The following HIVEP3 variants were observed in gnomAD, a reference collection of about 807,000 sequenced individuals.
HIVEP3 encodes HIVEP zinc finger 3, also known as transcription factor HIVEP3.
In HIVEP3, 49 loss-of-function variants were observed where a neutral mutation model predicts 152.8. The observed-to-expected ratio is 0.32, with a 90% confidence interval of 0.26 to 0.41. The LOEUF is 0.41. Among genes scored for constraint, HIVEP3 ranks in the 10% least tolerant of loss-of-function variants. The probability of loss-of-function intolerance (pLI) is 1.00; values close to 1 mark genes in which losing one functional copy is unlikely to be tolerated. For missense variants in HIVEP3, 2,790 were observed against 3,103.3 expected (o/e 0.90, Z 2.40); for synonymous variants, 1,269 against 1,289.0 (o/e 0.98, Z 0.33).
At chr1:41,795,552 C>T (rs553620535) in intron 1 of HIVEP3, among the ~76,000 whole-genome samples, 27 of 152,246 alleles carry the variant, frequency 1.8e-4, no homozygotes, top group African/African-American at 2.6e-4. Flanking sequence ...CACACTCCAG[C>T]GGAGGGAATT....
At chr1:41,963,774 G>A (rs1645182422) in intron 1 of HIVEP3, among the ~76,000 whole-genome samples, 1 of 152,176 alleles carries the variant, frequency 6.6e-6, no homozygotes, top group Admixed American at 6.5e-5. Flanking sequence ...TCTTTGGGAT[G>A]TAAGCAGATA....
At position 41,974,903 on chromosome 1, in the gene HIVEP3, C is replaced by T. The variant is rs150467618; in HGVS notation, n.120-56379G>A. 3.2e-3 allele frequency among the ~76,000 whole-genome samples: 494 copies of T among 152,214 alleles called. 6 individuals are homozygous for T. The highest frequency in any genetic ancestry group is 0.011 in the African/African-American group (469 of 41,534). On this transcript the variant is annotated intron_variant and non_coding_transcript_variant, in intron 1 of 3. Coordinates refer to the HIVEP3 transcript ENST00000489103. ...CTCTGGTGCATGGCCATTATCTCCACGCAACCTGCCCTTCAGGACTGAGGT... is the reference window on the plus strand; with the variant it reads ...CTCTGGTGCATGGCCATTATCTCCATGCAACCTGCCCTTCAGGACTGAGGT...
chr1:41,645,441 T>C (rs917386159), intron 2 of HIVEP3, among the ~76,000 whole-genome samples: 1 of 152,218 alleles, frequency 6.6e-6, no homozygotes, highest in African/African-American at 2.4e-5. Context: ...TAAGAACATA[T>C]TGATCCTGCC....
chr1:41,993,578 G>A (rs906619990), intron 1 of HIVEP3, among the ~76,000 whole-genome samples: 1 of 152,156 alleles, frequency 6.6e-6, no homozygotes, highest in African/African-American at 2.4e-5. Flanking sequence ...CAACCATTGT[G>A]GAATTCAGTG....
intron 3 of HIVEP3, among the ~76,000 whole-genome samples, chr1:41,605,108 TA>T (rs76841605): frequency 0.53 from 44,807 of 83,862 alleles, 10,061 homozygotes; most frequent in Non-Finnish European, 0.57. Flanking sequence ...CTGTCTCCAA[TA>T]AAAAAAAAAA....
intron 1 of HIVEP3, among the ~76,000 whole-genome samples, chr1:41,802,294 C>A (rs1191437484): frequency 6.6e-6 from 1 of 152,162 alleles, no homozygotes; most frequent in East Asian, 1.9e-4. Context: ...CAGCTCACTG[C>A]AGTCTCAACT....
intron 1 of HIVEP3, among the ~76,000 whole-genome samples, chr1:41,895,449 T>G (rs1423584470): frequency 6.6e-6 from 1 of 152,142 alleles, no homozygotes; most frequent in Non-Finnish European, 1.5e-5. Context: ...TGACCTAACA[T>G]TACCAGAGGC....
intron 1 of HIVEP3, among the ~76,000 whole-genome samples, chr1:41,731,137 G>A (rs535837464): frequency 2.0e-5 from 3 of 152,010 alleles, no homozygotes; most frequent in Non-Finnish European, 4.4e-5. Context: ...GGTGTACTGC[G>A]TACAGCTGTC....
intron 5 of HIVEP3, among the ~76,000 whole-genome samples, chr1:41,554,368 A>G (rs1643933638): frequency 6.6e-6 from 1 of 152,122 alleles, no homozygotes; most frequent in Non-Finnish European, 1.5e-5. Flanking sequence ...TACACTGTTT[A>G]TCCTAGTTAG....
At chr1:41,949,143 GT>G (rs1267484873) in intron 1 of HIVEP3, among the ~76,000 whole-genome samples, 4 of 152,166 alleles carry the variant, frequency 2.6e-5, no homozygotes, top group Admixed American at 2.0e-4. Context: ...GCCTATCGTT[GT>G]TTGAATGGCT....
At chr1:41,652,259 C>T (rs1328159135) in intron 2 of HIVEP3, among the ~76,000 whole-genome samples, 2 of 152,056 alleles carry the variant, frequency 1.3e-5, no homozygotes, top group African/African-American at 2.4e-5. Flanking sequence ...ATCTAATCCA[C>T]AGAGAAAGAA....
chr1:41,950,153 A>C (rs1170385721), intron 1 of HIVEP3, among the ~76,000 whole-genome samples: 1 of 152,176 alleles, frequency 6.6e-6, no homozygotes, highest in Non-Finnish European at 1.5e-5. Flanking sequence ...CAAAAACAGG[A>C]GGTAAAGAAA....
intron 1 of HIVEP3, among the ~76,000 whole-genome samples, chr1:41,980,506 A>G (rs528436855): frequency 6.6e-6 from 1 of 152,228 alleles, no homozygotes; most frequent in East Asian, 1.9e-4. Flanking sequence ...GCAGATCTAT[A>G]GCGACAGAAA....
chr1:41,528,323 ACC>A (rs566836510), intron 5 of HIVEP3, among the ~76,000 whole-genome samples: 2 of 59,904 alleles, frequency 3.3e-5, no homozygotes, highest in African/African-American at 7.0e-5. Flanking sequence ...CACACTCCAC[ACC>A]CCCACACTCA....
At chr1:41,892,411 C>T (rs911555140) in intron 1 of HIVEP3, among the ~76,000 whole-genome samples, 2 of 152,166 alleles carry the variant, frequency 1.3e-5, no homozygotes, top group Non-Finnish European at 1.5e-5. Flanking sequence ...AACACAGTGG[C>T]TCTGCTCACA....
At chr1:41,849,690 C>T (rs1198390652) in intron 1 of HIVEP3, among the ~76,000 whole-genome samples, 3 of 150,992 alleles carry the variant, frequency 2.0e-5, no homozygotes, top group African/African-American at 7.4e-5. Context: ...AGTGGTAGAC[C>T]CAAATCTTTT....
At chr1:41,917,928 G>A (rs972193573) in intron 1 of HIVEP3, among the ~76,000 whole-genome samples, 11 of 152,190 alleles carry the variant, frequency 7.2e-5, no homozygotes, top group Non-Finnish European at 1.6e-4. Context: ...ACTGCAGTCC[G>A]CCTAAACAAT....
At chr1:41,783,704 G>A (rs868607331) in intron 1 of HIVEP3, among the ~76,000 whole-genome samples, 1 of 152,220 alleles carries the variant, frequency 6.6e-6, no homozygotes, top group South Asian at 2.1e-4. Context: ...TCTTGCTGGA[G>A]ATGACATTCG....
intron 1 of HIVEP3, among the ~76,000 whole-genome samples, chr1:41,880,121 G>A (rs944890855): frequency 5.3e-5 from 8 of 152,076 alleles, no homozygotes; most frequent in African/African-American, 1.4e-4. Context: ...GTGTAGTGGC[G>A]TGATCATAGC....
Sources: gnomAD v4.1 joint callset for allele counts (sites outside exome capture counted in the v4.1 genomes callset) on GRCh38, gnomAD v4.1.1 for gene constraint, MANE v1.5 for transcripts, NCBI Gene and HGNC (gene_info 2026-07-23, HGNC 2026-07-21) for gene names.